The following ITPR2 variants were observed in gnomAD, a reference collection of about 807,000 sequenced individuals.
ITPR2 encodes the protein inositol 1,4,5-trisphosphate-gated calcium channel ITPR2.
In ITPR2, 207 loss-of-function variants were observed where a neutral mutation model predicts 317.1. That is an observed-to-expected ratio of 0.65 (90% CI 0.58 to 0.73). ITPR2 has a LOEUF of 0.73. Among genes scored for constraint, ITPR2 ranks in the 30% least tolerant of loss-of-function variants. The pLI, the probability that ITPR2 is intolerant of heterozygous loss-of-function variation, is 0.00. For missense variants in ITPR2, 2,613 were observed against 3,284.0 expected, an observed-to-expected ratio of 0.80 and a Z score of 4.99; for synonymous variants, 1,156 against 1,149.1, an observed-to-expected ratio of 1.01 and a Z score of -0.12.
chr12:26,449,500 A>C (rs1532067), intron 45 of ITPR2, among the ~76,000 whole-genome samples: 2 of 152,196 alleles, frequency 1.3e-5, no homozygotes, highest in East Asian at 1.9e-4. Flanking sequence ...CTTTCAAGCA[A>C]CCTACTTTCT....
intron 1 of ITPR2, among the ~76,000 whole-genome samples, chr12:26,809,939 TG>T: frequency 6.6e-6 from 1 of 152,342 alleles, no homozygotes; most frequent in South Asian, 2.1e-4. Flanking sequence ...ATAAATTACA[TG>T]GAAAAATACA....
chr12:26,811,664 G>A (rs1230448542), intron 1 of ITPR2, among the ~76,000 whole-genome samples: 2 of 149,656 alleles, frequency 1.3e-5, no homozygotes, highest in East Asian at 3.9e-4. Flanking sequence ...TCCAGCCTGG[G>A]GGACAGCGAG....
Position 26,419,104 on chromosome 12 carries a change from T to C in ITPR2, c.7055A>G (p.Tyr2352Cys), listed in dbSNP as rs746255206. 2 of 1,613,750 alleles carry C rather than the reference T, an allele frequency of 1.2e-6. No homozygotes were observed. Among genetic ancestry groups the C allele is most frequent in the South Asian group, 1.1e-5 (1 of 91,058 alleles). ...AAGGCCCAGCATGCAAACCAGGACA[T>C]ACGCCACGTGATAGAGAAAGGCCAT... ...LDMAFLYHVA[Y>C]VLVCMLGLFV... is the part of the protein sequence containing the mutation. The change falls in exon 50 of 57, where the codon TAT (tyrosine) becomes TGT (cysteine). Residue 2352 changes from tyrosine (Y) to cysteine (C), a missense_variant. By Grantham distance (194) the Tyr-to-Cys change is radical (BLOSUM62 -2). Coordinates refer to ENST00000381340, the MANE Select transcript of ITPR2 (RefSeq NM_002223.4).
rs75735138 is a variant in ITPR2, at chr12:26,565,355, C to A, written c.4631-3403G>T. On this transcript the variant is annotated intron_variant, in intron 34 of 56. Transcript: ENST00000381340. ...ATATCATAGTGCTACATTTTTTGTC[C>A]TAAATGGTTATAGCAGAACTATAAA... Among the ~76,000 whole-genome samples the A allele has an allele frequency of 2.6e-3, 393 of 151,842 alleles. 1 individual carries two copies. The highest frequency in any genetic ancestry group is 9.1e-3 in the African/African-American group (375 of 41,392).
chr12:26,754,357 C>A (rs139577095), intron 2 of ITPR2, among the ~76,000 whole-genome samples: 1,611 of 152,288 alleles, frequency 0.011, 20 homozygotes, highest in Middle Eastern at 0.024. Flanking sequence ...AGCCACACCC[C>A]CTAACTATGC....
At chr12:26,718,147 A>G (rs543223021) in intron 5 of ITPR2, among the ~76,000 whole-genome samples, 6 of 152,162 alleles carry the variant, frequency 3.9e-5, no homozygotes, top group Non-Finnish European at 8.8e-5. Context: ...ATAGGTATAC[A>G]TGTGCCCTGA....
intron 13 of ITPR2, among the ~76,000 whole-genome samples, chr12:26,681,556 C>G (rs1948030228): frequency 1.3e-5 from 2 of 152,078 alleles, no homozygotes; most frequent in Non-Finnish European, 2.9e-5. Flanking sequence ...AACTCTAAAT[C>G]CAAATATCAA....
chr12:26,395,455 C>T (rs778126316), intron 54 of ITPR2, among the ~76,000 whole-genome samples: 2 of 152,114 alleles, frequency 1.3e-5, no homozygotes, highest in Non-Finnish European at 1.5e-5. Context: ...AATGGGCTTA[C>T]GTTGCTGTTC....
intron 45 of ITPR2, among the ~76,000 whole-genome samples, chr12:26,466,425 C>T (rs1039286763): frequency 3.9e-5 from 6 of 152,162 alleles, no homozygotes; most frequent in Admixed American, 1.3e-4. Context: ...GCCAAGGCCT[C>T]GGGTATACTT....
Position 26,411,487 on chromosome 12 carries a change from G to A in ITPR2, c.7307-75C>T, listed in dbSNP as rs892959028. The A allele has an allele frequency of 9.9e-6, 10 of 1,009,562 alleles. No homozygotes were observed. In the South Asian group the frequency reaches 1.3e-4, roughly 13 times the overall value. The allele number at this position is 1,009,562 out of a possible 1,614,324, so 62.5% of individuals were successfully genotyped here. A position where few individuals can be genotyped will look rare whatever the true frequency, so the allele number is the denominator to read the frequency against. ...TGAAAACTGAACCTACAGTTCTAAAGATATGTAAATTAAAGGCATTCATAC... is the reference window on the plus strand; with the variant it reads ...TGAAAACTGAACCTACAGTTCTAAAAATATGTAAATTAAAGGCATTCATAC... On this transcript the variant is annotated intron_variant, in intron 51 of 56. Coordinates refer to ENST00000381340, the MANE Select transcript of ITPR2 (RefSeq NM_002223.4).
intron 1 of ITPR2, among the ~76,000 whole-genome samples, chr12:26,828,339 T>C (rs1951039951): frequency 1.3e-5 from 2 of 152,304 alleles, no homozygotes; most frequent in South Asian, 2.1e-4. Flanking sequence ...TATCTACCAA[T>C]TGTACTCCGA....
chr12:26,577,239 G>A (rs1016364164), intron 34 of ITPR2, among the ~76,000 whole-genome samples: 5 of 152,350 alleles, frequency 3.3e-5, no homozygotes, highest in Admixed American at 2.6e-4. Context: ...TAGGAGGGTA[G>A]CAGAGGCCAA....
chr12:26,497,936 T>C (rs1261365447), intron 37 of ITPR2, among the ~76,000 whole-genome samples: 3 of 152,134 alleles, frequency 2.0e-5, no homozygotes, highest in African/African-American at 7.2e-5. Context: ...GATTTCACCA[T>C]GTTGGCCAGA....
At chr12:26,695,269 A>C (rs181366960) in intron 10 of ITPR2, among the ~76,000 whole-genome samples, 14 of 152,324 alleles carry the variant, frequency 9.2e-5, no homozygotes, top group African/African-American at 3.4e-4. Flanking sequence ...TTTTGATTGA[A>C]TAAAGAAGCC....
chr12:26,382,109 G>A (rs1939526649), intron 55 of ITPR2, among the ~76,000 whole-genome samples: 1 of 152,094 alleles, frequency 6.6e-6, no homozygotes, highest in African/African-American at 2.4e-5. Flanking sequence ...TGGGATGGAG[G>A]ATTTATCCTT....
chr12:26,825,712 G>A (rs947842916), intron 1 of ITPR2, among the ~76,000 whole-genome samples: 9 of 152,164 alleles, frequency 5.9e-5, no homozygotes, highest in Admixed American at 2.6e-4. Flanking sequence ...GGTATTTATA[G>A]AATGACTTTT....
chr12:26,714,437 GA>G (rs776690489), intron 8 of ITPR2, among the ~76,000 whole-genome samples: 3 of 152,032 alleles, frequency 2.0e-5, no homozygotes, highest in Non-Finnish European at 2.9e-5. Flanking sequence ...GTATCTTTTA[GA>G]TAGTCATTCT....
chr12:26,683,078 G>C (rs116893697), intron 11 of ITPR2, among the ~76,000 whole-genome samples: 5,215 of 152,288 alleles, frequency 0.034, 129 homozygotes, highest in Middle Eastern at 0.11. Context: ...TAACACTGCT[G>C]GCAGACAGTA....
intron 54 of ITPR2, among the ~76,000 whole-genome samples, chr12:26,392,944 G>T (rs1350203854): frequency 6.6e-6 from 1 of 152,118 alleles, no homozygotes; most frequent in Non-Finnish European, 1.5e-5. Context: ...AATTAATATG[G>T]ATGCAAGAGC....
Sources: gnomAD v4.1 joint callset for allele counts (sites outside exome capture counted in the v4.1 genomes callset) on GRCh38, gnomAD v4.1.1 for gene constraint, MANE v1.5 for transcripts, NCBI Gene and HGNC (gene_info 2026-07-23, HGNC 2026-07-21) for gene names.